MICAL2: variants seen among roughly 807,000 people sequenced by gnomAD.
MICAL2 encodes the protein microtubule associated monooxygenase, calponin and LIM domain containing 2, also known as [F-actin]-monooxygenase MICAL2.
MICAL2 carries 77 observed loss-of-function variants against 127.3 expected under a neutral mutation model. The observed-to-expected ratio is 0.60, with a 90% CI of 0.50 to 0.73. MICAL2 has a LOEUF of 0.73. MICAL2 is among the 30% of genes least tolerant of loss of function. The pLI is 0.00. For missense variants in MICAL2, 1,351 were observed against 1,434.4 expected (o/e 0.94, Z 0.94); for synonymous variants, 570 against 551.1 (o/e 1.03, Z -0.48).
At chr11:12,345,912 A>G (rs10831796) in intron 32 of MICAL2, among the ~76,000 whole-genome samples, 18,809 of 152,252 alleles carry the variant, frequency 0.12, 1,328 homozygotes, top group South Asian at 0.23. Flanking sequence ...TTCCTAGGAC[A>G]AAATGACAGA....
chr11:12,360,554 T>C (rs1451932734), downstream of MICAL2, among the ~76,000 whole-genome samples: 3 of 152,268 alleles, frequency 2.0e-5, no homozygotes, highest in Non-Finnish European at 4.4e-5. Flanking sequence ...TGCATAAAAG[T>C]GCATCCTTTG....
chr11:12,155,323 C>T (rs534815435), intron 2 of MICAL2, among the ~76,000 whole-genome samples: 5 of 152,054 alleles, frequency 3.3e-5, no homozygotes, highest in South Asian at 2.1e-4. Context: ...TACACACACA[C>T]GCACATATAC....
chr11:12,120,098 A>G (rs1293729432), intron 1 of MICAL2, among the ~76,000 whole-genome samples: 1 of 152,212 alleles, frequency 6.6e-6, no homozygotes, highest in Non-Finnish European at 1.5e-5. Context: ...GTACGCTTGT[A>G]GCACTGGCTG....
At chr11:12,162,792 A>G (rs1854987496) in intron 3 of MICAL2, among the ~76,000 whole-genome samples, 1 of 152,248 alleles carries the variant, frequency 6.6e-6, no homozygotes, top group African/African-American at 2.4e-5. Context: ...CAGCTACAGC[A>G]GTCCTTCAGG....
intron 34 of MICAL2, among the ~76,000 whole-genome samples, chr11:12,355,347 C>T (rs989959031): frequency 1.3e-5 from 2 of 152,142 alleles, no homozygotes; most frequent in African/African-American, 4.8e-5. Flanking sequence ...TCCCTCCCAG[C>T]GTGGGCAGGG....
At chr11:12,233,079 T>TCCATGGTTTCTGGATTCCACTGGGGG (rs1858519321) in intron 15 of MICAL2, among the ~76,000 whole-genome samples, 1 of 152,188 alleles carries the variant, frequency 6.6e-6, no homozygotes, top group African/African-American at 2.4e-5. Context: ...TTTGGCAGTA[T>TCCATGGTTTCTGGATTCCACTGGGGG]CCATGGTTTC....
chr11:12,213,570 G>A (rs1371570358), intron 7 of MICAL2, among the ~76,000 whole-genome samples, 160 bp downstream of exon 7: 4 of 152,218 alleles, frequency 2.6e-5, no homozygotes, highest in Non-Finnish European at 5.9e-5. Flanking sequence ...AATACAGACA[G>A]GATTCCTTCT....
At chr11:12,183,738 A>G (rs1857784910) in intron 3 of MICAL2, among the ~76,000 whole-genome samples, 1 of 152,162 alleles carries the variant, frequency 6.6e-6, no homozygotes, top group Admixed American at 6.5e-5. Context: ...ATGGTCTTTG[A>G]GGTCAGACCA....
downstream of MICAL2, among the ~76,000 whole-genome samples, chr11:12,265,410 A>G (rs902460932): frequency 3.3e-5 from 5 of 152,266 alleles, no homozygotes; most frequent in Non-Finnish European, 5.9e-5. Context: ...AATGGAATTA[A>G]GTATTGATTA....
chr11:12,298,210 T>A (rs1315460290), intron 29 of MICAL2, among the ~76,000 whole-genome samples: 2 of 152,048 alleles, frequency 1.3e-5, no homozygotes, highest in African/African-American at 2.4e-5. Context: ...AGCACATAGA[T>A]CTAGCATAAT....
intron 33 of MICAL2, among the ~76,000 whole-genome samples, chr11:12,353,211 C>T (rs1258433043): frequency 6.6e-6 from 1 of 152,154 alleles, no homozygotes; most frequent in African/African-American, 2.4e-5. Context: ...ATGCAGATGG[C>T]AGGTGGAGGC....
At chr11:12,336,056 C>G (rs564496977) in intron 32 of MICAL2, among the ~76,000 whole-genome samples, 1 of 152,184 alleles carries the variant, frequency 6.6e-6, no homozygotes, top group African/African-American at 2.4e-5. Flanking sequence ...TATGGCCATT[C>G]TCATGATATT....
rs376607722 is a variant in MICAL2, at chr11:12,319,921, A to ATGTTTCAT, written c.5328+113_5328+120dup. On this transcript the variant is annotated intron_variant, in intron 30 of 34. Transcript: ENST00000646065. ...CTGCAGTGGTTTCCTTAGGAGGATC[A>ATGTTTCAT]TGTTTCATTGCATCTGACAGAGTGC... The ATGTTTCAT allele has an allele frequency of 5.0e-4, 379 of 751,158 alleles. No individual in the cohort carries two copies. In the African/African-American group the frequency reaches 5.8e-3, roughly 12 times the overall value. 46.5% of individuals were successfully genotyped at this position (751,158 alleles called of 1,614,324 possible). A position where few individuals can be genotyped will look rare whatever the true frequency, so the allele number is the denominator to read the frequency against.
At chr11:12,249,061 C>T in intron 21 of MICAL2, 123 bp from the exon 22 acceptor site, 1 of 1,216,246 alleles carries the variant, frequency 8.2e-7, no homozygotes. Context: ...TGGAATACTG[C>T]AATGTCCTAA....
At chr11:12,208,331 G>A (rs923808208) in intron 5 of MICAL2, 192 bp downstream of exon 5, 7 of 526,222 alleles carry the variant, frequency 1.3e-5, no homozygotes, top group African/African-American at 1.2e-4. Flanking sequence ...TGGCTCCAAG[G>A]GGATTTATGA....
chr11:12,125,016 C>T (rs553752), intron 1 of MICAL2, among the ~76,000 whole-genome samples: 1 of 152,256 alleles, frequency 6.6e-6, no homozygotes, highest in Non-Finnish European at 1.5e-5. Flanking sequence ...CCTCTCTCTT[C>T]TAGATGATGA....
intron 13 of MICAL2, 106 bp from the exon 14 acceptor site, chr11:12,226,065 C>T: frequency 2.8e-6 from 3 of 1,085,660 alleles, no homozygotes; most frequent in Non-Finnish European, 4.2e-6. Context: ...CCTGCCGACA[C>T]CTGGCAGAGT....
chr11:12,220,493 G>C (rs1209035500), intron 9 of MICAL2, 35 bp downstream of exon 9: 1 of 1,595,492 alleles, frequency 6.3e-7, no homozygotes, highest in South Asian at 1.1e-5. Flanking sequence ...ATGTTTCTCT[G>C]CGAGACAGAT....
rs181889359 is a variant in MICAL2 at position 12,111,103 on chromosome 11, C to T, written c.-149+377C>T. 2.5e-3 allele frequency among the ~76,000 whole-genome samples: 379 copies of T among 152,334 alleles called. 5 individuals carry two copies. Among genetic ancestry groups the T allele is most frequent in the African/African-American group, 8.7e-3 (362 of 41,578 alleles). ...TGCCTGTCACCTGGCAGAAGACCAT[C>T]CCCAAACTTCCCAGGATTGGGGCTC... On this transcript the variant is annotated intron_variant, in intron 1 of 27. Transcript: ENST00000683283.
Sources: allele counts gnomAD v4.1 joint callset (sites outside exome capture counted in the v4.1 genomes callset), GRCh38; gene constraint gnomAD v4.1.1; transcripts MANE v1.5; gene names NCBI Gene and HGNC (gene_info 2026-07-23, HGNC 2026-07-21).